SLC29A3: variants seen among roughly 807,000 people sequenced by gnomAD.
SLC29A3 encodes the protein solute carrier family 29 member 3, also known as equilibrative nucleoside transporter 3.
In SLC29A3, 18 loss-of-function variants were observed where a neutral mutation model predicts 25.4. The observed-to-expected ratio is 0.71, with a 90% CI of 0.49 to 1.05. The LOEUF is 1.05. Among genes scored for constraint, SLC29A3 ranks in the 50% least tolerant of loss-of-function variants. The pLI is 0.00. For missense variants in SLC29A3, 586 were observed against 609.0 expected (o/e 0.96, Z 0.40); for synonymous variants, 258 against 267.1 (o/e 0.97, Z 0.33).
chr10:71,332,676 C>T (rs1212610644), intron 2 of SLC29A3, among the ~76,000 whole-genome samples: 2 of 152,178 alleles, frequency 1.3e-5, no homozygotes, highest in Non-Finnish European at 2.9e-5. Context: ...GACTGCTCTA[C>T]ACCATTTTTA....
At chr10:71,361,445 A>T (rs1174092385) in intron 5 of SLC29A3, among the ~76,000 whole-genome samples, 1 of 152,220 alleles carries the variant, frequency 6.6e-6, no homozygotes, top group Non-Finnish European at 1.5e-5. Flanking sequence ...TATAGGCGTG[A>T]GCCATCATGC....
intron 2 of SLC29A3, among the ~76,000 whole-genome samples, chr10:71,342,834 A>C (rs905161288): frequency 6.6e-6 from 1 of 152,238 alleles, no homozygotes; most frequent in Non-Finnish European, 1.5e-5. Flanking sequence ...GACGGACCTC[A>C]CTAGCTGCGA....
chr10:71,334,929 C>T (rs912053121), intron 2 of SLC29A3, among the ~76,000 whole-genome samples: 2 of 151,756 alleles, frequency 1.3e-5, no homozygotes, highest in African/African-American at 4.8e-5. Flanking sequence ...CTTTTTTCCC[C>T]CCACTTGCTG....
rs1847098683 is a variant in SLC29A3 at position 71,362,634 on chromosome 10, C to T, written c.*26C>T. 1 of 1,613,774 alleles carries T rather than the reference C, an allele frequency of 6.2e-7. No homozygotes were observed. The highest frequency in any genetic ancestry group is 1.7e-5 in the Admixed American group (1 of 60,010). ...AAGGGAGGACACAAGGACATTGGTG[C>T]TTCAGAGCCTTTGAAGATGAGAAGA... On this transcript the variant is annotated 3_prime_UTR_variant, in exon 6 of 6. Coordinates refer to ENST00000373189, the MANE Select transcript of SLC29A3 (RefSeq NM_018344.6).
chr10:71,329,199 A>G (rs1387788594), intron 2 of SLC29A3, among the ~76,000 whole-genome samples: 3 of 152,206 alleles, frequency 2.0e-5, no homozygotes, highest in Admixed American at 2.0e-4. Flanking sequence ...TTTGCTAGCA[A>G]GTGATAGAAC....
intron 1 of SLC29A3, 124 bp downstream of exon 1, chr10:71,319,434 A>G: frequency 2.1e-6 from 1 of 485,818 alleles, no homozygotes. Flanking sequence ...GCAGGACCCT[A>G]CCCCATCCGT....
At position 71,362,477 on chromosome 10, in the gene SLC29A3, G is replaced by A. The variant is rs994007460; in HGVS notation, c.1297G>A (p.Ala433Thr). The A allele has an allele frequency of 1.2e-6, 2 of 1,614,022 alleles. No homozygotes were observed. The highest frequency in any genetic ancestry group is 1.7e-6 in the Non-Finnish European group (2 of 1,180,042). ...GLSNGYLSTL[A>T]LLYGPKIVPR... ...CAGCAACGGCTACCTCAGCACCCTG[G>A]CCCTCCTCTACGGGCCTAAGATTGT... is the stretch of plus-strand genomic sequence containing the variant. Residue 433 changes from alanine to threonine, a missense_variant, in exon 6 of 6, where the codon GCC becomes ACC. By Grantham distance (58) the Ala-to-Thr change is moderately conservative. Transcript: ENST00000373189.
chr10:71,351,667 C>CT lies in SLC29A3; in HGVS notation c.495dup (p.Ala166CysfsTer60). On this transcript the variant is annotated frameshift_variant, in exon 4 of 6. Transcript: ENST00000373189. LOFTEE classifies it high-confidence loss of function. ...TGGACACTTCCTCCTGGACCCGTGG[C>CT]TTTTTTGCGGTCACCATTGTCTGCA... The CT allele has an allele frequency of 6.2e-7, 1 of 1,614,158 alleles. No homozygotes were observed. Among genetic ancestry groups the CT allele is most frequent in the African/African-American group, 1.3e-5 (1 of 75,058 alleles).
intron 5 of SLC29A3, among the ~76,000 whole-genome samples, chr10:71,356,842 A>G (rs1326522640): frequency 6.6e-6 from 1 of 152,178 alleles, no homozygotes; most frequent in Non-Finnish European, 1.5e-5. Context: ...GAACAAACAA[A>G]CAAAAGACAA....
intron 2 of SLC29A3, among the ~76,000 whole-genome samples, chr10:71,327,643 C>G (rs1299613035): frequency 6.6e-6 from 1 of 152,122 alleles, no homozygotes; most frequent in Non-Finnish European, 1.5e-5. Flanking sequence ...TTGAGGTGGA[C>G]AGATGATTAC....
chr10:71,366,856 C>T (rs1847174602), downstream of SLC29A3, among the ~76,000 whole-genome samples: 1 of 152,198 alleles, frequency 6.6e-6, no homozygotes, highest in Non-Finnish European at 1.5e-5. Flanking sequence ...GTGGGAGTAC[C>T]TCGTGCCTAT....
intron 3 of SLC29A3, among the ~76,000 whole-genome samples, chr10:71,374,747 T>C (rs917911611): frequency 6.6e-6 from 1 of 152,198 alleles, no homozygotes; most frequent in Non-Finnish European, 1.5e-5. Flanking sequence ...CCTAACCTCC[T>C]TGGCTTGCCG....
At chr10:71,378,742 A>C (rs1239585536) in intron 4 of SLC29A3, among the ~76,000 whole-genome samples, 1 of 152,206 alleles carries the variant, frequency 6.6e-6, no homozygotes, top group African/African-American at 2.4e-5. Flanking sequence ...CTGTTCTGCT[A>C]GGCTGTTCCC....
downstream of SLC29A3, among the ~76,000 whole-genome samples, chr10:71,363,987 G>T (rs1365290883): frequency 6.6e-6 from 1 of 151,856 alleles, no homozygotes; most frequent in African/African-American, 2.4e-5. Context: ...GGCCTGATGT[G>T]GGGAGGGGAG....
At chr10:71,325,121 C>T (rs895709798) in intron 2 of SLC29A3, among the ~76,000 whole-genome samples, 1 of 152,146 alleles carries the variant, frequency 6.6e-6, no homozygotes, top group African/African-American at 2.4e-5. Context: ...ATGCTAGCAC[C>T]CCAGCCGCAC....
At chr10:71,331,420 T>C (rs1846114742) in intron 2 of SLC29A3, among the ~76,000 whole-genome samples, 1 of 152,180 alleles carries the variant, frequency 6.6e-6, no homozygotes, top group Non-Finnish European at 1.5e-5. Context: ...TCTGTTCTTT[T>C]ATTTTTAATA....
At chr10:71,340,588 C>A (rs1405899611) in intron 2 of SLC29A3, among the ~76,000 whole-genome samples, 4 of 152,126 alleles carry the variant, frequency 2.6e-5, no homozygotes, top group Non-Finnish European at 5.9e-5. Flanking sequence ...GTGAACGATC[C>A]CCAAACACTG....
downstream of SLC29A3, chr10:71,365,537 G>T (rs1218803566): frequency 6.6e-6 from 1 of 152,352 alleles, no homozygotes; most frequent in Non-Finnish European, 1.5e-5. Flanking sequence ...CTTTGCCAGG[G>T]GAGGAGAGGC....
At chr10:71,328,613 A>T (rs1027711531) in intron 2 of SLC29A3, among the ~76,000 whole-genome samples, 1 of 152,196 alleles carries the variant, frequency 6.6e-6, no homozygotes, top group Non-Finnish European at 1.5e-5. Context: ...CCCAACACAT[A>T]ATAGCACATA....
Sources: gnomAD v4.1 joint callset for allele counts (sites outside exome capture counted in the v4.1 genomes callset) on GRCh38, gnomAD v4.1.1 for gene constraint, MANE v1.5 for transcripts, NCBI Gene and HGNC (gene_info 2026-07-23, HGNC 2026-07-21) for gene names.